Variants in PACRG observed in about 807,000 individuals in gnomAD.
PACRG encodes the protein parkin coregulated, also known as parkin coregulated gene protein.
PACRG carries 29 observed loss-of-function variants against 29.7 expected under a neutral mutation model. The ratio of observed to expected loss-of-function variants is 0.98; its 90% confidence interval spans 0.73 to 1.33. The LOEUF (loss-of-function observed/expected upper bound fraction) is 1.33, where lower values mean the gene tolerates loss of function less well. Ranked by LOEUF, PACRG falls within the 40% of genes most tolerant of loss-of-function variation. The pLI is 0.00. For missense variants in PACRG, 279 were observed against 316.2 expected (o/e 0.88, Z 0.89); for synonymous variants, 116 against 118.7 (o/e 0.98, Z 0.15).
chr6:162,948,379 A>G (rs942318861), intron 2 of PACRG, among the ~76,000 whole-genome samples: 2 of 152,144 alleles, frequency 1.3e-5, no homozygotes, highest in African/African-American at 4.8e-5. Flanking sequence ...CTCACCATAT[A>G]TAAAAACCAA....
chr6:162,890,947 T>A (rs909364635), intron 2 of PACRG, among the ~76,000 whole-genome samples: 1 of 152,128 alleles, frequency 6.6e-6, no homozygotes, highest in African/African-American at 2.4e-5. Context: ...GGTCTTGTGC[T>A]CCCTGACCGG....
intron 2 of PACRG, among the ~76,000 whole-genome samples, chr6:162,850,133 A>C (rs1410602762): frequency 1.3e-5 from 2 of 152,198 alleles, no homozygotes; most frequent in African/African-American, 2.4e-5. Context: ...AATATCTTTA[A>C]TCAAGTGCAT....
Position 163,089,408 on chromosome 6 carries a change from G to T in PACRG, c.613G>T (p.Val205Leu), listed in dbSNP as rs768884963. The T allele has an allele frequency of 6.2e-7, 1 of 1,612,754 alleles. No homozygotes were observed. Among genetic ancestry groups the T allele is most frequent in the Non-Finnish European group, 8.5e-7 (1 of 1,179,378 alleles). The change falls in exon 4 of 5, where the codon GTG (valine) becomes TTG (leucine). Residue 205 changes from valine to leucine, a missense_variant and splice_region_variant. Coordinates refer to ENST00000366888, the MANE Select transcript of PACRG (RefSeq NM_001080379.2). ...PVLNIFKNMN[V>L]NSGDGIDYSQ... is the part of the protein sequence containing the mutation. ...CCTGAACATCTTTAAGAATATGAAT[G>T]GTGAGTGAGCCCACGAGTCAAAATG...
chr6:162,822,479 A>G (rs949842927), intron 2 of PACRG, among the ~76,000 whole-genome samples: 10 of 152,228 alleles, frequency 6.6e-5, no homozygotes, highest in Non-Finnish European at 1.3e-4. Context: ...GACAGAGTTG[A>G]CAGAATCATT....
chr6:162,849,963 A>C (rs551898970), intron 2 of PACRG, among the ~76,000 whole-genome samples: 1 of 152,206 alleles, frequency 6.6e-6, no homozygotes, highest in Non-Finnish European at 1.5e-5. Flanking sequence ...TTCTATCTCA[A>C]CTATCCCCAA....
At chr6:163,206,182 AC>A (rs1165300760) in intron 4 of PACRG, among the ~76,000 whole-genome samples, 3 of 152,190 alleles carry the variant, frequency 2.0e-5, no homozygotes, top group Non-Finnish European at 4.4e-5. Context: ...AAACAGAATT[AC>A]CATTTGACCC....
At chr6:162,814,606 C>G (rs1269183440) in intron 2 of PACRG, among the ~76,000 whole-genome samples, 2 of 152,120 alleles carry the variant, frequency 1.3e-5, no homozygotes, top group Non-Finnish European at 2.9e-5. Flanking sequence ...TGGCTGGATA[C>G]GGAGAGCAAC....
At chr6:163,114,678 A>T (rs182075377) in intron 4 of PACRG, among the ~76,000 whole-genome samples, 1 of 152,258 alleles carries the variant, frequency 6.6e-6, no homozygotes, top group East Asian at 1.9e-4. Flanking sequence ...AGAGAATGGA[A>T]TGGTGGTTCC....
intron 1 of PACRG, among the ~76,000 whole-genome samples, chr6:162,763,343 G>C (rs1258146348): frequency 6.6e-6 from 1 of 152,168 alleles, no homozygotes; most frequent in African/African-American, 2.4e-5. Context: ...CAAGACCGCT[G>C]TCAGGTCACC....
chr6:163,135,274 C>G (rs1816887911), intron 4 of PACRG, among the ~76,000 whole-genome samples: 1 of 151,876 alleles, frequency 6.6e-6, no homozygotes, highest in Non-Finnish European at 1.5e-5. Context: ...CTGCAGCCTC[C>G]ACCTCCTCGG....
chr6:163,180,716 GC>G (rs1274984674), intron 4 of PACRG, among the ~76,000 whole-genome samples: 22 of 152,160 alleles, frequency 1.4e-4, no homozygotes, highest in Middle Eastern at 3.4e-3. Flanking sequence ...ACTCTTATGA[GC>G]CACTTATTTG....
intron 4 of PACRG, among the ~76,000 whole-genome samples, chr6:163,227,814 T>C (rs1436606864): frequency 6.6e-6 from 1 of 152,194 alleles, no homozygotes; most frequent in Non-Finnish European, 1.5e-5. Flanking sequence ...ACTTGGGTGT[T>C]ATTAGCACAG....
intron 2 of PACRG, among the ~76,000 whole-genome samples, chr6:163,028,202 AT>A (rs1188095214): frequency 1.4e-4 from 21 of 152,252 alleles, no homozygotes. Flanking sequence ...AATTATAAGT[AT>A]AAAAAAGTTA....
intron 4 of PACRG, among the ~76,000 whole-genome samples, chr6:163,298,993 GC>G (rs1487089437): frequency 6.6e-6 from 1 of 152,096 alleles, no homozygotes; most frequent in Non-Finnish European, 1.5e-5. Flanking sequence ...TCCGTTCCTT[GC>G]CAGGACTTCT....
At chr6:163,024,968 CA>C (rs1482805095) in intron 2 of PACRG, among the ~76,000 whole-genome samples, 1 of 152,130 alleles carries the variant, frequency 6.6e-6, no homozygotes, top group South Asian at 2.1e-4. Flanking sequence ...GAATCAAAAG[CA>C]AAAAGCCTTT....
At chr6:162,940,077 G>A (rs940719262) in intron 2 of PACRG, among the ~76,000 whole-genome samples, 1 of 152,154 alleles carries the variant, frequency 6.6e-6, no homozygotes, top group African/African-American at 2.4e-5. Flanking sequence ...TCTGGATCAT[G>A]GATCAGGAGC....
intron 4 of PACRG, among the ~76,000 whole-genome samples, chr6:163,111,415 A>G (rs1361408882): frequency 6.6e-6 from 1 of 152,234 alleles, no homozygotes; most frequent in Non-Finnish European, 1.5e-5. Context: ...TGCCACTTTT[A>G]TGCATAATGA....
chr6:163,181,354 C>G (rs991808950), intron 4 of PACRG, among the ~76,000 whole-genome samples: 2 of 152,160 alleles, frequency 1.3e-5, no homozygotes, highest in Non-Finnish European at 2.9e-5. Context: ...GTGATACAGA[C>G]GGCCGCTTGG....
chr6:162,827,471 T>G (rs1052077826), intron 2 of PACRG, among the ~76,000 whole-genome samples: 1 of 152,178 alleles, frequency 6.6e-6, no homozygotes, highest in Admixed American at 6.5e-5. Context: ...ACCAGTAATA[T>G]TTTGTCTGGC....
Sources: gnomAD v4.1 joint callset for allele counts (sites outside exome capture counted in the v4.1 genomes callset) on GRCh38, gnomAD v4.1.1 for gene constraint, MANE v1.5 for transcripts, NCBI Gene and HGNC (gene_info 2026-07-23, HGNC 2026-07-21) for gene names.